The following GRIA1 variants were observed in gnomAD, a reference collection of about 807,000 sequenced individuals.
GRIA1 encodes glutamate receptor 1.
GRIA1 carries 31 observed loss-of-function variants against 99.2 expected under a neutral mutation model. The ratio of observed to expected loss-of-function variants is 0.31; its 90% CI spans 0.23 to 0.42. The LOEUF (loss-of-function observed/expected upper bound fraction) is 0.42, where lower values mean the gene tolerates loss of function less well. Ranked by LOEUF, GRIA1 falls within the 10% of genes least tolerant of loss-of-function variation. GRIA1 has a pLI of 1.00. For synonymous variants in GRIA1, 438 were observed against 432.4 expected, an observed-to-expected ratio of 1.01 and a Z score of -0.16; for missense variants, 782 against 1,157.5, an observed-to-expected ratio of 0.68 and a Z score of 4.71.
intron 5 of GRIA1, among the ~76,000 whole-genome samples, chr5:153,665,915 T>C (rs1374258661): frequency 1.3e-5 from 2 of 152,186 alleles, no homozygotes; most frequent in African/African-American, 2.4e-5. Flanking sequence ...TATAAGATCA[T>C]TGATGTAGCC....
intron 2 of GRIA1, among the ~76,000 whole-genome samples, chr5:153,538,939 T>G (rs1048420720): frequency 2.0e-5 from 3 of 152,220 alleles, no homozygotes; most frequent in Non-Finnish European, 4.4e-5. Flanking sequence ...AATGAAGTCC[T>G]TCCTCTTGAA....
chr5:153,635,537 G>A (rs977139150), intron 2 of GRIA1, among the ~76,000 whole-genome samples: 2 of 152,208 alleles, frequency 1.3e-5, no homozygotes, highest in African/African-American at 4.8e-5. Flanking sequence ...CCTAGCCCCA[G>A]ATGAGGCTGA....
At chr5:153,537,808 G>A (rs1206012544) in intron 2 of GRIA1, among the ~76,000 whole-genome samples, 1 of 152,170 alleles carries the variant, frequency 6.6e-6, no homozygotes, top group Non-Finnish European at 1.5e-5. Flanking sequence ...TCTGCAGGTT[G>A]ATAAAAATCA....
chr5:153,520,417 G>C (rs971859448), intron 2 of GRIA1, among the ~76,000 whole-genome samples: 27 of 152,190 alleles, frequency 1.8e-4, no homozygotes, highest in African/African-American at 6.0e-4. Flanking sequence ...CCAGATTCAA[G>C]ATTCTCTGCA....
chr5:153,780,088 T>C (rs886729144), intron 13 of GRIA1, among the ~76,000 whole-genome samples: 5 of 152,200 alleles, frequency 3.3e-5, no homozygotes, highest in Non-Finnish European at 5.9e-5. Context: ...GCATGTTGCT[T>C]TCTTTTAAGA....
chr5:153,505,007 A>G (rs1249224930), intron 2 of GRIA1, among the ~76,000 whole-genome samples: 1 of 152,190 alleles, frequency 6.6e-6, no homozygotes. Flanking sequence ...AGTTTTTGGC[A>G]GGAACGAAAC....
chr5:153,650,361 A>G lies in GRIA1; in HGVS notation c.492A>G (p.Thr164=). The change falls in exon 4 of 16, where the codon ACA becomes ACG. Residue 164 remains threonine, a synonymous_variant. Coordinates refer to ENST00000285900, the MANE Select transcript of GRIA1 (RefSeq NM_000827.4). ...GLSVLQKVLD[T]AAEKNWQVTA... ...CCGTCCTGCAGAAAGTCCTGGATAC[A>G]GCTGCTGAGAAGAACTGGCAGGTGA... The G allele has an allele frequency of 6.2e-7, 1 of 1,613,996 alleles. No individual in the cohort carries two copies. The highest frequency in any genetic ancestry group is 8.5e-7 in the Non-Finnish European group (1 of 1,179,914).
chr5:153,630,434 A>G (rs1228305014), intron 2 of GRIA1, among the ~76,000 whole-genome samples: 4 of 152,184 alleles, frequency 2.6e-5, no homozygotes, highest in African/African-American at 7.2e-5. Flanking sequence ...GTGGGCTTCT[A>G]TGAGCTGGAG....
intron 2 of GRIA1, among the ~76,000 whole-genome samples, chr5:153,504,352 A>G (rs1028029015): frequency 6.6e-6 from 1 of 151,548 alleles, no homozygotes; most frequent in Admixed American, 6.6e-5. Context: ...TTAAGCATAT[A>G]TATATATACA....
chr5:153,602,110 G>A (rs964018580), intron 2 of GRIA1, among the ~76,000 whole-genome samples: 3 of 152,164 alleles, frequency 2.0e-5, no homozygotes, highest in East Asian at 1.9e-4. Flanking sequence ...ATTCACAATA[G>A]CAAAGACTTG....
At chr5:153,622,955 G>A (rs1378039006) in intron 2 of GRIA1, among the ~76,000 whole-genome samples, 2 of 152,194 alleles carry the variant, frequency 1.3e-5, no homozygotes, top group Non-Finnish European at 2.9e-5. Flanking sequence ...AGGAAGAAAT[G>A]TATAAATTTA....
intron 2 of GRIA1, among the ~76,000 whole-genome samples, chr5:153,551,551 C>G (rs2201280): frequency 0.46 from 70,644 of 152,004 alleles, 18,136 homozygotes; most frequent in Non-Finnish European, 0.59. Context: ...ACAGATAGCT[C>G]TGTAAATAGA....
At chr5:153,500,570 TTC>T (rs3064315) in intron 2 of GRIA1, among the ~76,000 whole-genome samples, 98,082 of 128,988 alleles carry the variant, frequency 0.76, 35,965 homozygotes, top group East Asian at 0.92. Context: ...CTGCCTCTCT[TTC>T]TCTCTCTCTC....
intron 14 of GRIA1, among the ~76,000 whole-genome samples, chr5:153,797,731 G>A (rs553018972): frequency 5.4e-4 from 82 of 152,218 alleles, no homozygotes; most frequent in Middle Eastern, 3.4e-3. Flanking sequence ...TACAGCAGCC[G>A]GTCCCTGAGC....
intron 11 of GRIA1, among the ~76,000 whole-genome samples, chr5:153,707,268 T>C (rs565565762): frequency 6.6e-6 from 1 of 152,214 alleles, no homozygotes; most frequent in African/African-American, 2.4e-5. Context: ...ATTGGACTTG[T>C]GAACACAATT....
At chr5:153,782,784 G>A (rs1192569587) in intron 13 of GRIA1, among the ~76,000 whole-genome samples, 3 of 152,140 alleles carry the variant, frequency 2.0e-5, no homozygotes, top group Non-Finnish European at 4.4e-5. Flanking sequence ...AAGACGGGGA[G>A]GAAGGTATTT....
intron 14 of GRIA1, among the ~76,000 whole-genome samples, chr5:153,798,468 C>T (rs1446054354): frequency 6.6e-6 from 1 of 152,168 alleles, no homozygotes; most frequent in Non-Finnish European, 1.5e-5. Flanking sequence ...CAGGTGTAAA[C>T]ATAACAGAAA....
intron 11 of GRIA1, among the ~76,000 whole-genome samples, chr5:153,738,144 G>A (rs1761521578): frequency 6.6e-6 from 1 of 152,184 alleles, no homozygotes; most frequent in African/African-American, 2.4e-5. Flanking sequence ...ACTTTCTGTA[G>A]GACATTCCTA....
At chr5:153,810,779 C>T (rs1455412342) in intron 15 of GRIA1, among the ~76,000 whole-genome samples, 1 of 152,186 alleles carries the variant, frequency 6.6e-6, no homozygotes, top group Non-Finnish European at 1.5e-5. Flanking sequence ...AAAGGATCTT[C>T]TGTCTCACCC....
Sources: allele counts gnomAD v4.1 joint callset (sites outside exome capture counted in the v4.1 genomes callset), GRCh38; gene constraint gnomAD v4.1.1; transcripts MANE v1.5; gene names NCBI Gene and HGNC (gene_info 2026-07-23, HGNC 2026-07-21).